ACIN1: variants seen among roughly 807,000 people sequenced by gnomAD.
The protein encoded by ACIN1 is apoptotic chromatin condensation inducer 1.
ACIN1 carries 16 observed loss-of-function variants against 146.6 expected under a neutral mutation model. The ratio of observed to expected loss-of-function variants is 0.11; its 90% confidence interval spans 0.07 to 0.17. The LOEUF is 0.17. Ranked by LOEUF, ACIN1 falls within the 10% of genes least tolerant of loss-of-function variation. ACIN1 has a pLI of 1.00. For missense variants in ACIN1, 1,357 were observed against 1,609.3 expected (o/e 0.84, Z 2.68); for synonymous variants, 569 against 582.7 (o/e 0.98, Z 0.34).
At chr14:23,075,153 C>CT (rs1212980777) in intron 8 of ACIN1, among the ~76,000 whole-genome samples, 1 of 152,126 alleles carries the variant, frequency 6.6e-6, no homozygotes, top group East Asian at 1.9e-4. Context: ...TACCTTCCTC[C>CT]TACACAGGCA....
rs375211971 is a variant in ACIN1 at position 23,079,045 on chromosome 14, C to G, written c.1789-7G>C. The G allele has an allele frequency of 4.8e-5, 77 of 1,610,132 alleles. No individual in the cohort carries two copies. Among genetic ancestry groups the G allele is most frequent in the Non-Finnish European group, 6.5e-5 (77 of 1,177,652 alleles). On this transcript the variant is annotated splice_region_variant and splice_polypyrimidine_tract_variant and intron_variant, in intron 6 of 18. Coordinates refer to ENST00000605057, the MANE Select transcript of ACIN1 (RefSeq NM_001386863.1). ...AGACTCCAGGGCTCAGAGACTAAAACAAAATGAAACACATAACAAGGAAAA... is the reference window on the plus strand; with the variant it reads ...AGACTCCAGGGCTCAGAGACTAAAAGAAAATGAAACACATAACAAGGAAAA...
chr14:23,093,667 CT>C, intron 1 of ACIN1, 123 bp from the exon 2 acceptor site: 2 of 784,642 alleles, frequency 2.5e-6, no homozygotes, highest in Non-Finnish European at 2.1e-6. Flanking sequence ...AACTGTATTC[CT>C]TTTCCAGGGA....
intron 16 of ACIN1, 78 bp from the exon 17 acceptor site, chr14:23,061,700 G>A (rs923976820): frequency 3.3e-5 from 44 of 1,330,080 alleles, no homozygotes; most frequent in Admixed American, 5.3e-5. Context: ...ATGGCCGGGC[G>A]CGGTGGCTCA....
In ACIN1 at chr14:23,064,446, C is replaced by A; in HGVS notation, c.2351G>T (p.Gly784Val). 1 of 1,614,258 alleles carries A rather than the reference C, an allele frequency of 6.2e-7. No homozygotes were observed. The highest frequency in any genetic ancestry group is 1.1e-5 in the South Asian group (1 of 91,088). ...GCGTCGTTTCCGACCAGGCTGGCCC[C>A]CCTCTGTGTCACTGTTTCCAGCTGG... ...GVPAGNSDTEGGQPGRKRRWG... is the reference protein window; with the variant it reads ...GVPAGNSDTEVGQPGRKRRWG... Residue 784 changes from glycine (G) to valine (V), a missense_variant, in exon 11 of 19, where the codon GGG (glycine) becomes GTG (valine). By Grantham distance (109) the Gly-to-Val change is moderately radical. This residue lies in a region of ACIN1 where 509 missense variants were observed against 719.6 expected (regional missense o/e 0.71). Coordinates refer to ENST00000605057, the MANE Select transcript of ACIN1 (RefSeq NM_001386863.1).
intron 4 of ACIN1, among the ~76,000 whole-genome samples, chr14:23,084,038 C>T (rs1225907829): frequency 6.6e-6 from 1 of 151,884 alleles, no homozygotes; most frequent in Non-Finnish European, 1.5e-5. Context: ...CCTCCGCCTC[C>T]TGGGTTCAAG....
Position 23,067,445 on chromosome 14 carries a change from G to A in ACIN1, c.2266-1437C>T. On this transcript the variant is annotated intron_variant, in intron 9 of 18. Transcript: ENST00000605057. This position sits in a 1 kb window ranked among gnomAD's most constrained non-coding sequence, Gnocchi z 4.6. ...GGGGTTGGGTTGGCAAAAAAGGTGG[G>A]CGCACGGCGTGGTAGTCAGCACGGC... The A allele has an allele frequency of 2.0e-6, 2 of 983,988 alleles. No homozygotes were observed. Among genetic ancestry groups the A allele is most frequent in the South Asian group, 9.5e-5 (2 of 21,090 alleles). The allele number at this position is 983,988 out of a possible 1,614,324, so 61.0% of individuals were successfully genotyped here. A position where few individuals can be genotyped will look rare whatever the true frequency, so the allele number is the denominator to read the frequency against.
intron 4 of ACIN1, among the ~76,000 whole-genome samples, chr14:23,082,157 G>A (rs1009225335): frequency 6.6e-6 from 1 of 152,164 alleles, no homozygotes; most frequent in African/African-American, 2.4e-5. Flanking sequence ...GTACAAATAT[G>A]AAGTGTACTT....
At chr14:23,077,494 C>A (rs893609570) in intron 8 of ACIN1, among the ~76,000 whole-genome samples, 2 of 152,100 alleles carry the variant, frequency 1.3e-5, no homozygotes, top group Non-Finnish European at 2.9e-5. Flanking sequence ...GAATGACATA[C>A]CTATTTAATT....
At chr14:23,094,376 G>A in intron 1 of ACIN1, 2 of 636,694 alleles carry the variant, frequency 3.1e-6, no homozygotes, top group Non-Finnish European at 3.9e-6. Context: ...AACCTGCCTC[G>A]CCTCTCTCAC....
chr14:23,063,992 C>A (rs77184349), intron 12 of ACIN1, 113 bp downstream of exon 12: 129,202 of 1,439,692 alleles, frequency 0.09, 6,520 homozygotes, highest in South Asian at 0.16. Flanking sequence ...TCAACCCAAC[C>A]CTCTGCACAG....
chr14:23,071,286 C>T (rs2047640337), intron 8 of ACIN1: 5 of 1,498,312 alleles, frequency 3.3e-6, no homozygotes, highest in Non-Finnish European at 4.4e-6. Flanking sequence ...ACCACCTCCT[C>T]CCCAGCCACC....
At chr14:23,088,221 C>G (rs2048136847) in intron 4 of ACIN1, among the ~76,000 whole-genome samples, 1 of 152,146 alleles carries the variant, frequency 6.6e-6, no homozygotes, top group Non-Finnish European at 1.5e-5. Flanking sequence ...TTCCTCTCGG[C>G]TTTAAAATCA....
At chr14:23,082,929 G>A (rs1313481627) in intron 4 of ACIN1, among the ~76,000 whole-genome samples, 2 of 151,300 alleles carry the variant, frequency 1.3e-5, no homozygotes, top group Non-Finnish European at 2.9e-5. Context: ...TTACAGAGGC[G>A]GGGTTTCATC....
At chr14:23,091,191 C>A (rs1382134525) in intron 2 of ACIN1, among the ~76,000 whole-genome samples, 1 of 152,142 alleles carries the variant, frequency 6.6e-6, no homozygotes, top group Non-Finnish European at 1.5e-5. Flanking sequence ...AAGTGTGAGC[C>A]ACCGTGCCCA....
chr14:23,074,834 A>G (rs2047757753), intron 8 of ACIN1, among the ~76,000 whole-genome samples: 1 of 152,246 alleles, frequency 6.6e-6, no homozygotes, highest in Non-Finnish European at 1.5e-5. Flanking sequence ...AGAGAAGCTA[A>G]TGGAAAAGGA....
intron 13 of ACIN1, 174 bp from the exon 14 acceptor site, chr14:23,063,248 G>A: frequency 9.1e-7 from 1 of 1,099,978 alleles, no homozygotes. Context: ...TCCTCATCAT[G>A]GAGATTCAAA....
At position 23,078,850 on chromosome 14, in the gene ACIN1, C is replaced by G. The variant is rs1566747418; in HGVS notation, c.1977G>C (p.Lys659Asn). 11 of 1,613,026 alleles carry G rather than the reference C, an allele frequency of 6.8e-6. No individual in the cohort carries two copies. Among genetic ancestry groups the G allele is most frequent in the South Asian group, 2.2e-5 (2 of 91,024 alleles). Residue 659 changes from lysine to asparagine, a missense_variant, in exon 7 of 19, where the codon AAG becomes AAC. By Grantham distance (94) the Lys-to-Asn change is moderately conservative. Around this residue, in one of 4 missense-constraint regions of ACIN1, gnomAD observed 771 missense variants for 746.6 expected, o/e 1.03. Transcript: ENST00000605057. ...CAGGCTGTAACCTCTGGGTCACATG[C>G]TTTTCAGCTGATTCAGGCTGACTCA... ...RRLSQPESAE[K>N]HVTQRLQPER...
intron 8 of ACIN1, among the ~76,000 whole-genome samples, chr14:23,073,341 G>A (rs745573300): frequency 1.3e-5 from 2 of 152,172 alleles, no homozygotes; most frequent in Non-Finnish European, 2.9e-5. Context: ...GTACCAAGTG[G>A]ACACTTACTA....
chr14:23,071,609 G>A, intron 8 of ACIN1: 1 of 1,500,188 alleles, frequency 6.7e-7, no homozygotes. Flanking sequence ...CCTTGCTGCA[G>A]CAGGGGAGGG....
Sources: allele counts gnomAD v4.1 joint callset (sites outside exome capture counted in the v4.1 genomes callset), GRCh38; gene constraint gnomAD v4.1.1; regional missense constraint gnomAD v4.1.1; non-coding constraint Gnocchi (gnomAD v3.1); transcripts MANE v1.5; gene names NCBI Gene and HGNC (gene_info 2026-07-23, HGNC 2026-07-21).